Variants in FNDC3B observed in about 807,000 individuals in gnomAD.
FNDC3B encodes the protein fibronectin type III domain-containing protein 3B.
In FNDC3B, 12 loss-of-function variants were observed where a neutral mutation model predicts 151.5. That is an observed-to-expected ratio of 0.08 (90% confidence interval 0.05 to 0.13). The LOEUF is 0.13. FNDC3B is among the 10% of genes least tolerant of loss of function. FNDC3B has a pLI of 1.00. For synonymous variants in FNDC3B, 528 were observed against 549.0 expected, an observed-to-expected ratio of 0.96 and a Z score of 0.54; for missense variants, 1,214 against 1,505.3, an observed-to-expected ratio of 0.81 and a Z score of 3.20.
intron 1 of FNDC3B, among the ~76,000 whole-genome samples, chr3:172,083,876 G>T (rs7624760): frequency 0.64 from 97,606 of 152,048 alleles, 31,476 homozygotes; most frequent in East Asian, 0.78. Context: ...ATAGTAGCCA[G>T]GTGGACCCAG....
At chr3:172,274,182 T>C (rs1729333130) in intron 6 of FNDC3B, among the ~76,000 whole-genome samples, 1 of 152,212 alleles carries the variant, frequency 6.6e-6, no homozygotes, top group Non-Finnish European at 1.5e-5. Flanking sequence ...TGGCTTTCAG[T>C]AGCTTCTCTT....
At position 172,179,426 on chromosome 3, in the gene FNDC3B, A is replaced by G. The variant is rs547710011; in HGVS notation, c.187+45880A>G. ...ATGTAGAAATTAAGGTGAATAAAAC[A>G]TTCATATTAAAAGCAAAACATTAAT... On this transcript the variant is annotated intron_variant, in intron 3 of 25. Coordinates refer to ENST00000415807, the MANE Select transcript of FNDC3B (RefSeq NM_022763.4). Among the ~76,000 whole-genome samples the G allele has an allele frequency of 6.6e-5, 10 of 152,318 alleles. No homozygotes were observed. The East Asian group carries it at 1.9e-3, about 29-fold the overall frequency.
intron 3 of FNDC3B, among the ~76,000 whole-genome samples, chr3:172,170,411 G>C (rs758701040): frequency 2.0e-5 from 3 of 152,344 alleles, no homozygotes; most frequent in East Asian, 1.9e-4. Flanking sequence ...ACAGTGGTTG[G>C]GGACCAGGAA....
chr3:172,087,931 C>G (rs968520091), intron 1 of FNDC3B, among the ~76,000 whole-genome samples: 1 of 152,140 alleles, frequency 6.6e-6, no homozygotes, highest in African/African-American at 2.4e-5. Context: ...GAAGATAGTC[C>G]ACATTAGCAA....
At chr3:172,190,542 G>A (rs945247685) in intron 3 of FNDC3B, among the ~76,000 whole-genome samples, 51 of 152,332 alleles carry the variant, frequency 3.3e-4, no homozygotes, top group African/African-American at 1.1e-3. Flanking sequence ...AAAGGCTCAA[G>A]TGGATAAACT....
At chr3:172,257,569 T>TACACACACACACAC (rs10582558) in intron 6 of FNDC3B, among the ~76,000 whole-genome samples, 4 of 143,872 alleles carry the variant, frequency 2.8e-5, no homozygotes, top group African/African-American at 7.6e-5. Context: ...CACGCATTCA[T>TACACACACACACAC]ACACACACAC....
chr3:172,388,980 T>C (rs1282303360), intron 25 of FNDC3B, among the ~76,000 whole-genome samples: 1 of 152,202 alleles, frequency 6.6e-6, no homozygotes, highest in Admixed American at 6.5e-5. Context: ...GAGACTATTA[T>C]TTTCATGTAG....
intron 14 of FNDC3B, 134 bp from the exon 15 acceptor site, chr3:172,334,810 T>G: frequency 1.4e-6 from 1 of 715,188 alleles, no homozygotes; most frequent in Non-Finnish European, 2.3e-6. Flanking sequence ...TGTTAATACT[T>G]GAGTTGAAAG....
chr3:172,270,690 A>C (rs767096269), intron 6 of FNDC3B, among the ~76,000 whole-genome samples: 1 of 152,202 alleles, frequency 6.6e-6, no homozygotes, highest in Non-Finnish European at 1.5e-5. Context: ...ATTCTCCTGC[A>C]AGAGTTCACC....
At position 172,251,442 on chromosome 3, in the gene FNDC3B, G is replaced by A. The variant is rs978041164; in HGVS notation, c.691G>A (p.Gly231Ser). 2 of 1,614,084 alleles carry A rather than the reference G, an allele frequency of 1.2e-6. No individual in the cohort carries two copies. The highest frequency in any genetic ancestry group is 1.7e-6 in the Non-Finnish European group (2 of 1,179,976). Residue 231 changes from glycine to serine, a missense_variant, in exon 6 of 26, where the codon GGT (glycine) becomes AGT (serine). By Grantham distance (56) the Gly-to-Ser change is moderately conservative. Around this residue, in one of 7 missense-constraint regions of FNDC3B, gnomAD observed 166 missense variants for 173.2 expected, o/e 0.96. Coordinates refer to ENST00000415807, the MANE Select transcript of FNDC3B (RefSeq NM_022763.4). ...VYNGYGKGHS[G>S]GSGGGGSGSG... Reference sequence around the variant, plus strand: ...CAATGGCTATGGGAAGGGCCATAGTGGTGGAAGTGGCGGAGGCGGCAGCGG... The same window carrying A: ...CAATGGCTATGGGAAGGGCCATAGTAGTGGAAGTGGCGGAGGCGGCAGCGG...
At chr3:172,353,109 C>T in intron 22 of FNDC3B, 26 bp downstream of exon 22, 1 of 1,595,238 alleles carries the variant, frequency 6.3e-7, no homozygotes, top group Non-Finnish European at 8.6e-7. Context: ...TAGAAATCTG[C>T]ATCAGCACAT....
chr3:172,358,993 GTGGTGGTGGTGGTGGTGGTGGTGGTGA>G (rs1560098636), intron 22 of FNDC3B, among the ~76,000 whole-genome samples: 1 of 142,052 alleles, frequency 7.0e-6, no homozygotes, highest in African/African-American at 2.6e-5. Context: ...GGTGGTGGTG[GTGGTGGTGGTGGTGGTGGTGGTGGTGA>G]TGGTGGCGGT....
At chr3:172,122,688 G>C (rs1287143289) in intron 2 of FNDC3B, among the ~76,000 whole-genome samples, 1 of 152,162 alleles carries the variant, frequency 6.6e-6, no homozygotes, top group African/African-American at 2.4e-5. Flanking sequence ...GAATAATTTG[G>C]CCCTCCCTTC....
chr3:172,143,255 A>G (rs1467815645), intron 3 of FNDC3B, among the ~76,000 whole-genome samples: 2 of 152,200 alleles, frequency 1.3e-5, no homozygotes, highest in Non-Finnish European at 1.5e-5. Context: ...TCAATTTAAG[A>G]TAATGAATAC....
intron 16 of FNDC3B, among the ~76,000 whole-genome samples, chr3:172,339,707 C>G (rs1182824169): frequency 1.3e-5 from 2 of 152,294 alleles, no homozygotes; most frequent in African/African-American, 2.4e-5. Context: ...TCATGGCTCC[C>G]TTTAGCTACT....
At chr3:172,301,575 A>G (rs1408496221) in intron 9 of FNDC3B, 5 of 152,252 alleles carry the variant, frequency 3.3e-5, no homozygotes, top group Non-Finnish European at 7.3e-5. Context: ...TGCAAAATAA[A>G]CAATTACGCT....
At chr3:172,070,250 C>A (rs1299261907) in intron 1 of FNDC3B, among the ~76,000 whole-genome samples, 6 of 152,144 alleles carry the variant, frequency 3.9e-5, no homozygotes, top group Non-Finnish European at 8.8e-5. Flanking sequence ...ACCGTAACTG[C>A]AATTTTAGAT....
chr3:172,223,878 T>G (rs1014722918), intron 3 of FNDC3B, among the ~76,000 whole-genome samples: 5 of 152,280 alleles, frequency 3.3e-5, no homozygotes, highest in African/African-American at 1.2e-4. Context: ...GATGAGTGAT[T>G]ATTGTGCCAT....
chr3:172,222,225 T>G (rs1481684439), intron 3 of FNDC3B, among the ~76,000 whole-genome samples: 1 of 152,196 alleles, frequency 6.6e-6, no homozygotes, highest in African/African-American at 2.4e-5. Context: ...TATGAATTCA[T>G]TATCAGATTA....
Sources: gnomAD v4.1 joint callset for allele counts (sites outside exome capture counted in the v4.1 genomes callset) on GRCh38, gnomAD v4.1.1 for gene constraint, gnomAD v4.1.1 regional missense constraint, MANE v1.5 for transcripts, NCBI Gene and HGNC (gene_info 2026-07-23, HGNC 2026-07-21) for gene names.